The following VAPA variants were observed in gnomAD, a reference collection of about 807,000 sequenced individuals.
VAPA encodes VAMP associated protein A.
VAPA carries 6 observed loss-of-function variants against 25.6 expected under a neutral mutation model. The observed-to-expected ratio is 0.23, with a 90% CI of 0.13 to 0.46. The LOEUF is 0.46. VAPA is among the 20% of genes least tolerant of loss of function. The probability of loss-of-function intolerance (pLI) is 0.99; values close to 1 mark genes in which losing one functional copy is unlikely to be tolerated. For missense variants in VAPA, 244 were observed against 302.1 expected, an observed-to-expected ratio of 0.81 and a Z score of 1.43; for synonymous variants, 112 against 106.2, an observed-to-expected ratio of 1.05 and a Z score of -0.34.
In VAPA at chr18:9,959,434, CAA is replaced by C. The variant is rs1307384390; in HGVS notation, c.*5224_*5225del. 4 of 152,078 alleles carry C rather than the reference CAA, an allele frequency of 2.6e-5. No homozygotes were observed. Among genetic ancestry groups the C allele is most frequent in the Admixed American group, 1.3e-4 (2 of 15,268 alleles). 9.4% of individuals were successfully genotyped at this position (152,078 alleles called of 1,614,324 possible). A position where few individuals can be genotyped will look rare whatever the true frequency, so the allele number is the denominator to read the frequency against. ...CAAAACCAACATGAACATTCCTAAA[CAA>C]GAGTGTGTGTTACTCTAAGAAGAAG... On this transcript the variant is annotated 3_prime_UTR_variant, in exon 6 of 6. Coordinates refer to ENST00000400000, the MANE Select transcript of VAPA (RefSeq NM_194434.3).
At chr18:9,936,936 T>TA in intron 3 of VAPA, 50 bp from the exon 4 acceptor site, 1 of 1,550,086 alleles carries the variant, frequency 6.5e-7, no homozygotes, top group Non-Finnish European at 8.9e-7. Flanking sequence ...GAAACTTACT[T>TA]ACCATGATCA....
chr18:9,941,029 C>T (rs2069361777), intron 4 of VAPA, among the ~76,000 whole-genome samples: 1 of 152,080 alleles, frequency 6.6e-6, no homozygotes, highest in Non-Finnish European at 1.5e-5. Context: ...TGGAAAAATA[C>T]TGTAAATGTC....
Position 9,914,025 on chromosome 18 carries a change from A to T in VAPA, c.-232A>T. The T allele has an allele frequency of 2.2e-6, 1 of 451,340 alleles. No homozygotes were observed. The highest frequency in any genetic ancestry group is 2.9e-5 in the South Asian group (1 of 34,938). 28.0% of individuals were successfully genotyped at this position (451,340 alleles called of 1,614,324 possible). A position where few individuals can be genotyped will look rare whatever the true frequency, so the allele number is the denominator to read the frequency against. ...CGTCACGTGGGTCGCCGAGGCTCGC[A>T]AGTGCGCGTGGCCGTGGCGGCTGGT... is the stretch of plus-strand genomic sequence containing the variant. On this transcript the variant is annotated 5_prime_UTR_variant, in exon 1 of 6. Transcript: ENST00000400000.
chr18:9,930,159 T>G (rs961673707), intron 1 of VAPA, among the ~76,000 whole-genome samples: 6 of 152,168 alleles, frequency 3.9e-5, no homozygotes, highest in Non-Finnish European at 7.4e-5. Flanking sequence ...ATAAAACATT[T>G]AATTCTAAAA....
Position 9,927,017 on chromosome 18 carries a change from G to T in VAPA, c.80-4793G>T, listed in dbSNP as rs78376764. On this transcript the variant is annotated intron_variant, in intron 1 of 5. Coordinates refer to ENST00000400000, the MANE Select transcript of VAPA (RefSeq NM_194434.3). ...CTGTTTATTCTTAAGTTACATTTTAGAAGTGTTTTCTGTTTTCTGAAATGC... is the reference window on the plus strand; with the variant it reads ...CTGTTTATTCTTAAGTTACATTTTATAAGTGTTTTCTGTTTTCTGAAATGC... Among the ~76,000 whole-genome samples the T allele has an allele frequency of 6.9e-4, 105 of 152,158 alleles. No individual in the cohort carries two copies. The East Asian group carries it at 0.017, about 24-fold the overall frequency.
chr18:9,919,446 A>G (rs947076891), intron 1 of VAPA, among the ~76,000 whole-genome samples: 1 of 152,224 alleles, frequency 6.6e-6, no homozygotes, highest in Non-Finnish European at 1.5e-5. Flanking sequence ...TTCATGGGGC[A>G]GTTCTAACAA....
At chr18:9,928,042 A>G (rs141163702) in intron 1 of VAPA, among the ~76,000 whole-genome samples, 209 of 152,250 alleles carry the variant, frequency 1.4e-3, no homozygotes, top group African/African-American at 4.6e-3. Flanking sequence ...AAACAGTGAC[A>G]TATCTCTAAT....
chr18:9,924,938 C>T (rs1188015373), intron 1 of VAPA: 12 of 151,790 alleles, frequency 7.9e-5, no homozygotes, highest in Admixed American at 7.9e-4. Context: ...ATGAGCATCT[C>T]CCTTGCCCCA....
chr18:9,936,339 A>G, intron 3 of VAPA, 126 bp downstream of exon 3: 2 of 519,526 alleles, frequency 3.8e-6, no homozygotes, highest in Non-Finnish European at 6.7e-6. Context: ...AAAACTGCCA[A>G]TTTCTTCATT....
intron 4 of VAPA, among the ~76,000 whole-genome samples, chr18:9,946,138 A>C (rs1367756134): frequency 6.6e-6 from 1 of 152,214 alleles, no homozygotes. Flanking sequence ...ATTAGAACTG[A>C]AATTCTGATG....
In VAPA at chr18:9,954,250, C is replaced by G. The variant is rs777075139; in HGVS notation, c.*39C>G. ...GAGTGCTGTTTCTTTTTTTTTTTTT[C>G]TCTTGACCAGAAAAAGATTTGTTTA... is the stretch of plus-strand genomic sequence containing the variant. On this transcript the variant is annotated 3_prime_UTR_variant, in exon 6 of 6. Coordinates refer to ENST00000400000, the MANE Select transcript of VAPA (RefSeq NM_194434.3). 10 of 1,304,804 alleles carry G rather than the reference C, an allele frequency of 7.7e-6. No individual in the cohort carries two copies. In the African/African-American group the frequency reaches 1.7e-4, roughly 23 times the overall value. The allele number at this position is 1,304,804 out of a possible 1,614,324, so 80.8% of individuals were successfully genotyped here. A position where few individuals can be genotyped will look rare whatever the true frequency, so the allele number is the denominator to read the frequency against.
In VAPA at chr18:9,959,719, T is replaced by A. The variant is rs2069586031; in HGVS notation, c.*5508T>A. 2.2e-5 allele frequency: 1 copy of A among 45,270 alleles called. No homozygotes were observed. Among genetic ancestry groups the A allele is most frequent in the Non-Finnish European group, 4.0e-5 (1 of 25,028 alleles). The allele number at this position is 45,270 out of a possible 1,614,324, so 2.8% of individuals were successfully genotyped here. ...AGAGAGAGTGAGTTACTGACATTGT[T>A]CCAAAAAAAAAAAAAAAAAAAAAAA... On this transcript the variant is annotated 3_prime_UTR_variant, in exon 6 of 6. Transcript: ENST00000400000.
At chr18:9,928,130 A>G (rs1169794027) in intron 1 of VAPA, among the ~76,000 whole-genome samples, 1 of 152,134 alleles carries the variant, frequency 6.6e-6, no homozygotes, top group African/African-American at 2.4e-5. Context: ...AAGCATTCAT[A>G]TTGGGCAAAT....
chr18:9,947,452 A>T (rs2143417982), intron 4 of VAPA: 1 of 152,336 alleles, frequency 6.6e-6, no homozygotes, highest in Non-Finnish European at 1.5e-5. Flanking sequence ...ATCATTGTTG[A>T]CCAAAACATC....
chr18:9,948,898 A>G (rs1298446935), intron 4 of VAPA: 2 of 152,198 alleles, frequency 1.3e-5, no homozygotes, highest in African/African-American at 2.4e-5. Flanking sequence ...GTTTTCTGGT[A>G]TGAGTATGAT....
rs567208036 is a variant in VAPA at position 9,933,569 on chromosome 18, G to C, written c.232+1607G>C. On this transcript the variant is annotated intron_variant, in intron 2 of 5. Transcript: ENST00000400000. Reference sequence around the variant, plus strand: ...TCTTTCTTTTTTGAGACAGTGTCTTGCTTTGTTGCCCAGGTAGGAGAGCAG... The same window carrying C: ...TCTTTCTTTTTTGAGACAGTGTCTTCCTTTGTTGCCCAGGTAGGAGAGCAG... 4.6e-5 allele frequency among the ~76,000 whole-genome samples: 7 copies of C among 152,278 alleles called. No individual in the cohort carries two copies. In the East Asian group the frequency reaches 1.3e-3, roughly 29 times the overall value.
chr18:9,938,266 C>G (rs369547893), intron 4 of VAPA, among the ~76,000 whole-genome samples: 30 of 152,290 alleles, frequency 2.0e-4, no homozygotes, highest in African/African-American at 6.5e-4. Flanking sequence ...CAGCGTAAAT[C>G]TATCTTCTAT....
intron 2 of VAPA, among the ~76,000 whole-genome samples, chr18:9,932,518 TACTC>T (rs1167342574): frequency 6.6e-6 from 1 of 152,256 alleles, no homozygotes; most frequent in African/African-American, 2.4e-5. Flanking sequence ...ATGGATTACT[TACTC>T]CTGCTGTGGA....
At chr18:9,937,601 G>GT (rs1213571697) in intron 4 of VAPA, among the ~76,000 whole-genome samples, 2 of 152,126 alleles carry the variant, frequency 1.3e-5, no homozygotes, top group Non-Finnish European at 2.9e-5. Context: ...ACTGAGGGAT[G>GT]TATTTGTTTA....
Sources: gnomAD v4.1 joint callset for allele counts (sites outside exome capture counted in the v4.1 genomes callset) on GRCh38, gnomAD v4.1.1 for gene constraint, MANE v1.5 for transcripts, NCBI Gene and HGNC (gene_info 2026-07-23, HGNC 2026-07-21) for gene names.